SDK1: variants seen among roughly 807,000 people sequenced by gnomAD.
SDK1 encodes protein sidekick-1.
Under a neutral mutation model 245.5 loss-of-function variants are expected in SDK1, and 157 were observed. The observed-to-expected ratio is 0.64, with a 90% CI of 0.56 to 0.73. SDK1 has a LOEUF of 0.73. Ranked by LOEUF, SDK1 falls within the 30% of genes least tolerant of loss-of-function variation. The pLI is 0.00. For missense variants in SDK1, 3,583 were observed against 3,002.3 expected, an observed-to-expected ratio of 1.19 and a Z score of -4.52; for synonymous variants, 1,647 against 1,278.5, an observed-to-expected ratio of 1.29 and a Z score of -6.15.
chr7:3,566,302 G>A (rs1779915268), intron 1 of SDK1, among the ~76,000 whole-genome samples: 1 of 145,332 alleles, frequency 6.9e-6, no homozygotes. Context: ...TTGGCTCACT[G>A]CAAGCTCCCC....
At chr7:3,918,332 T>C (rs1046655999) in intron 5 of SDK1, among the ~76,000 whole-genome samples, 1 of 152,218 alleles carries the variant, frequency 6.6e-6, no homozygotes, top group Non-Finnish European at 1.5e-5. Flanking sequence ...GCTGCTCCCA[T>C]CGCTGGCATT....
chr7:3,796,362 G>A (rs1405075212), intron 4 of SDK1, among the ~76,000 whole-genome samples: 1 of 152,208 alleles, frequency 6.6e-6, no homozygotes, highest in African/African-American at 2.4e-5. Flanking sequence ...TCTTAATCAG[G>A]AAGGTAAAGG....
chr7:4,000,573 C>T (rs909095886), intron 14 of SDK1, among the ~76,000 whole-genome samples: 2 of 152,192 alleles, frequency 1.3e-5, no homozygotes, highest in Admixed American at 6.5e-5. Flanking sequence ...GCCGTCTCCA[C>T]GCCGCTCTCC....
chr7:3,386,618 C>T (rs992159764), intron 1 of SDK1, among the ~76,000 whole-genome samples: 2 of 152,158 alleles, frequency 1.3e-5, no homozygotes, highest in African/African-American at 4.8e-5. Context: ...TGGAACTATG[C>T]CCAGTCCACC....
chr7:3,370,107 G>C (rs1019562671), intron 1 of SDK1, among the ~76,000 whole-genome samples: 3 of 152,238 alleles, frequency 2.0e-5, no homozygotes, highest in Non-Finnish European at 2.9e-5. Context: ...TTTGCATTTA[G>C]ACCTGATTGT....
intron 4 of SDK1, among the ~76,000 whole-genome samples, chr7:3,676,014 C>T (rs1038342124): frequency 2.6e-5 from 4 of 152,052 alleles, no homozygotes; most frequent in African/African-American, 9.7e-5. Context: ...TATTGAGTTT[C>T]TTTTTTTGTG....
In SDK1 at chr7:3,913,483, T is replaced by C. The variant is rs951882032; in HGVS notation, c.848-37440T>C. Among the ~76,000 whole-genome samples the C allele has an allele frequency of 3.9e-5, 6 of 152,022 alleles. No individual in the cohort carries two copies. The South Asian group carries it at 6.2e-4, about 16-fold the overall frequency. On this transcript the variant is annotated intron_variant, in intron 5 of 44. Transcript: ENST00000404826. ...TAATTTTTTGTATTTTTGGTAGAGATGGGGTTTCACTATGTTAGCCAGGAT... is the reference window on the plus strand; with the variant it reads ...TAATTTTTTGTATTTTTGGTAGAGACGGGGTTTCACTATGTTAGCCAGGAT...
intron 1 of SDK1, among the ~76,000 whole-genome samples, chr7:3,328,901 A>T (rs1780000048): frequency 6.6e-6 from 1 of 152,096 alleles, no homozygotes; most frequent in Non-Finnish European, 1.5e-5. Context: ...AACTTTGTGC[A>T]GTTTGACATA....
Position 3,368,349 on chromosome 7 carries a change from C to T in SDK1, c.298+66465C>T, listed in dbSNP as rs148407985. On this transcript the variant is annotated intron_variant, in intron 1 of 44. Coordinates refer to ENST00000404826, the MANE Select transcript of SDK1 (RefSeq NM_152744.4). ...TTCTCCCATTAGGCTGCTGTTAAAA[C>T]GAACACTTAAAAATTATCTTTTGTC... 2.5e-3 allele frequency among the ~76,000 whole-genome samples: 380 copies of T among 152,260 alleles called. 5 individuals carry two copies. Among genetic ancestry groups the T allele is most frequent in the African/African-American group, 8.6e-3 (357 of 41,544 alleles).
At chr7:3,481,258 G>T (rs1411341132) in intron 1 of SDK1, among the ~76,000 whole-genome samples, 1 of 152,162 alleles carries the variant, frequency 6.6e-6, no homozygotes, top group Admixed American at 6.5e-5. Context: ...GACACAGAGG[G>T]TTAAGTAACT....
chr7:3,595,828 CAAAAAAAA>C (rs35037283), intron 1 of SDK1, among the ~76,000 whole-genome samples: 6 of 54,022 alleles, frequency 1.1e-4, no homozygotes, highest in Admixed American at 3.3e-4. Flanking sequence ...GACTTCATCT[CAAAAAAAA>C]AAAAAAAAAA....
intron 1 of SDK1, among the ~76,000 whole-genome samples, chr7:3,411,172 A>G (rs1779189180): frequency 6.6e-6 from 1 of 152,100 alleles, no homozygotes; most frequent in Non-Finnish European, 1.5e-5. Context: ...TGTAGGGCAA[A>G]GCAAATCCAA....
chr7:4,137,700 T>C (rs1444571342), intron 28 of SDK1, among the ~76,000 whole-genome samples: 1 of 152,238 alleles, frequency 6.6e-6, no homozygotes, highest in African/African-American at 2.4e-5. Context: ...TAAGCCGCAT[T>C]TTACTGCTGC....
At chr7:3,396,266 G>T (rs1583795771) in intron 1 of SDK1, among the ~76,000 whole-genome samples, 1 of 151,548 alleles carries the variant, frequency 6.6e-6, no homozygotes, top group African/African-American at 2.4e-5. Flanking sequence ...TACTTTATAC[G>T]ATTTTAATCC....
intron 22 of SDK1, among the ~76,000 whole-genome samples, chr7:4,081,546 G>A (rs28488873): frequency 0.023 from 3,439 of 150,938 alleles, 59 homozygotes; most frequent in Admixed American, 0.051. Context: ...TCAGCCTCCC[G>A]AGTAGCTGGG....
At chr7:3,746,105 C>G (rs1351292630) in intron 4 of SDK1, among the ~76,000 whole-genome samples, 1 of 152,074 alleles carries the variant, frequency 6.6e-6, no homozygotes, top group Non-Finnish European at 1.5e-5. Context: ...TGGGTTTGCT[C>G]CAGACTACCC....
At chr7:4,177,942 C>T (rs548600184) in intron 34 of SDK1, among the ~76,000 whole-genome samples, 21 of 150,888 alleles carry the variant, frequency 1.4e-4, no homozygotes, top group African/African-American at 4.1e-4. Flanking sequence ...GGGAACAGCA[C>T]GTGCAAGAGA....
At chr7:3,408,149 T>C (rs1356636616) in intron 1 of SDK1, among the ~76,000 whole-genome samples, 1 of 152,104 alleles carries the variant, frequency 6.6e-6, no homozygotes, top group African/African-American at 2.4e-5. Context: ...GCAATTCTTG[T>C]GCCTCAGTCT....
chr7:3,573,528 T>C (rs999349260), intron 1 of SDK1, among the ~76,000 whole-genome samples: 1 of 152,076 alleles, frequency 6.6e-6, no homozygotes, highest in Non-Finnish European at 1.5e-5. Context: ...AACAACAGCC[T>C]CCACGTGTGC....
Sources: gnomAD v4.1 joint callset for allele counts (sites outside exome capture counted in the v4.1 genomes callset) on GRCh38, gnomAD v4.1.1 for gene constraint, MANE v1.5 for transcripts, NCBI Gene and HGNC (gene_info 2026-07-23, HGNC 2026-07-21) for gene names.